The following STX3 variants were observed in gnomAD, a reference collection of about 807,000 sequenced individuals.
STX3 encodes syntaxin-3.
STX3 carries 19 observed loss-of-function variants against 40.2 expected under a neutral mutation model. The ratio of observed to expected loss-of-function variants is 0.47; its 90% CI spans 0.33 to 0.69. STX3 has a LOEUF of 0.69. Among genes scored for constraint, STX3 ranks in the 30% least tolerant of loss-of-function variants. The pLI, the probability that STX3 is intolerant of heterozygous loss-of-function variation, is 0.02. For synonymous variants in STX3, 122 were observed against 132.2 expected (o/e 0.92, Z 0.53); for missense variants, 364 against 366.7 (o/e 0.99, Z 0.06).
intron 1 of STX3, among the ~76,000 whole-genome samples, chr11:59,766,917 A>G (rs1380688508): frequency 6.6e-6 from 1 of 152,234 alleles, no homozygotes; most frequent in African/African-American, 2.4e-5. Flanking sequence ...CAAAGCAGCT[A>G]GTGTCTTGTG....
At chr11:59,766,802 G>C (rs1014125235) in intron 1 of STX3, among the ~76,000 whole-genome samples, 1 of 152,202 alleles carries the variant, frequency 6.6e-6, no homozygotes, top group Non-Finnish European at 1.5e-5. Context: ...CTTGAGCCCT[G>C]TTTCGGCAAA....
intron 1 of STX3, among the ~76,000 whole-genome samples, 199 bp from the exon 2 acceptor site, chr11:59,773,012 C>CACAA (rs1464304376): frequency 6.6e-5 from 10 of 151,014 alleles, no homozygotes; most frequent in Admixed American, 5.9e-4. Flanking sequence ...CACACACACA[C>CACAA]AACCCAGCAA....
chr11:59,797,203 A>C, intron 9 of STX3, 80 bp from the exon 10 acceptor site: 2 of 1,022,850 alleles, frequency 2.0e-6, no homozygotes, highest in South Asian at 1.3e-5. Flanking sequence ...TAGAGGTGAC[A>C]GGGGTTAGGT....
intron 8 of STX3, among the ~76,000 whole-genome samples, chr11:59,794,507 C>G (rs908129485): frequency 6.6e-6 from 1 of 152,184 alleles, no homozygotes; most frequent in Non-Finnish European, 1.5e-5. Context: ...TGCTTTCCCC[C>G]CATTCCCTAC....
chr11:59,795,368 G>A lies in STX3; in HGVS notation c.676-4G>A, dbSNP rs372491925. 2.4e-5 allele frequency: 39 copies of A among 1,610,640 alleles called. No individual in the cohort carries two copies. Among genetic ancestry groups the A allele is most frequent in the Middle Eastern group, 1.6e-4 (1 of 6,080 alleles). ...TTGGTGTGATCAGAGTCTGTTCTTT[G>A]CAGGGTGAGATGTTAGATAACATAG... is the stretch of plus-strand genomic sequence containing the variant. On this transcript the variant is annotated splice_region_variant and splice_polypyrimidine_tract_variant and intron_variant, in intron 8 of 10. Coordinates refer to ENST00000337979, the MANE Select transcript of STX3 (RefSeq NM_004177.5).
chr11:59,792,234 G>T lies in STX3; in HGVS notation c.466+19G>T, dbSNP rs763634459. On this transcript the variant is annotated intron_variant, in intron 6 of 10. Coordinates refer to ENST00000337979, the MANE Select transcript of STX3 (RefSeq NM_004177.5). ...GAAATTAGTATGTACTTGAGGTTTG[G>T]CGTGTGCCCTCCACCTTTCCTGCCA... 1 of 1,606,602 alleles carries T rather than the reference G, an allele frequency of 6.2e-7. No homozygotes were observed. Among genetic ancestry groups the T allele is most frequent in the Admixed American group, 1.7e-5 (1 of 59,774 alleles).
At position 59,785,066 on chromosome 11, in the gene STX3, G is replaced by T. The variant is rs578069446; in HGVS notation, c.115-1971G>T. Among the ~76,000 whole-genome samples, 5 of 152,168 alleles carry T rather than the reference G, an allele frequency of 3.3e-5. No homozygotes were observed. In the South Asian group the frequency reaches 1.0e-3, roughly 32 times the overall value. ...TTTCCTCATTTGAATAATGGTACTG[G>T]TCCAGTCTTATAGGTTGCTTTGTAA... On this transcript the variant is annotated intron_variant, in intron 2 of 10. Coordinates refer to ENST00000337979, the MANE Select transcript of STX3 (RefSeq NM_004177.5).
At chr11:59,776,940 AC>A (rs1216623213) in intron 2 of STX3, among the ~76,000 whole-genome samples, 1 of 152,180 alleles carries the variant, frequency 6.6e-6, no homozygotes, top group African/African-American at 2.4e-5. Flanking sequence ...GATGAAACAG[AC>A]CTGCCTTTGG....
At chr11:59,788,837 C>G (rs1359714571) in intron 3 of STX3, 36 bp from the exon 4 acceptor site, 12 of 1,588,152 alleles carry the variant, frequency 7.6e-6, no homozygotes, top group Admixed American at 1.7e-5. Context: ...CAGTCCTCTC[C>G]TTTCTAACGG....
intron 2 of STX3, among the ~76,000 whole-genome samples, chr11:59,780,508 T>C (rs1366873677): frequency 6.6e-6 from 1 of 152,188 alleles, no homozygotes; most frequent in Non-Finnish European, 1.5e-5. Context: ...AGTGAGGTAC[T>C]AGCAGAAGAC....
chr11:59,757,938 T>C (rs1862813770), intron 1 of STX3, among the ~76,000 whole-genome samples: 1 of 152,176 alleles, frequency 6.6e-6, no homozygotes, highest in African/African-American at 2.4e-5. Flanking sequence ...AAACAAGATA[T>C]GCGTCTTCTC....
intron 5 of STX3, 105 bp downstream of exon 5, chr11:59,790,691 C>G: frequency 1.2e-6 from 1 of 826,442 alleles, no homozygotes; most frequent in Non-Finnish European, 2.0e-6. Context: ...TTTTGAAACT[C>G]AATTTGAAGA....
rs1465081715 is a variant in STX3 at position 59,804,737 on chromosome 11, G to A, written c.*3913G>A. The A allele has an allele frequency of 1.3e-5, 2 of 152,102 alleles. No individual in the cohort carries two copies. The highest frequency in any genetic ancestry group is 2.9e-5 in the Non-Finnish European group (2 of 68,030). The allele number at this position is 152,102 out of a possible 1,614,324, so 9.4% of individuals were successfully genotyped here. A position where few individuals can be genotyped will look rare whatever the true frequency, so the allele number is the denominator to read the frequency against. On this transcript the variant is annotated 3_prime_UTR_variant, in exon 11 of 11. Coordinates refer to ENST00000337979, the MANE Select transcript of STX3 (RefSeq NM_004177.5). ...AAATACAGGCCCACAAAATAAAATA[G>A]GTTTATAGCATGACTGAACTCACAC...
At chr11:59,777,357 C>A (rs944161862) in intron 2 of STX3, among the ~76,000 whole-genome samples, 1 of 152,196 alleles carries the variant, frequency 6.6e-6, no homozygotes, top group Non-Finnish European at 1.5e-5. Context: ...AATTCTGTTG[C>A]CTACTGCAGC....
At chr11:59,793,253 G>A (rs1241123001) in intron 7 of STX3, 81 bp downstream of exon 7, 3 of 1,606,616 alleles carry the variant, frequency 1.9e-6, no homozygotes, top group South Asian at 2.2e-5. Flanking sequence ...TCCAGCAGGT[G>A]GAGGGGGAGC....
chr11:59,761,792 T>C (rs1279415268), intron 1 of STX3, among the ~76,000 whole-genome samples: 1 of 152,056 alleles, frequency 6.6e-6, no homozygotes, highest in Admixed American at 6.5e-5. Flanking sequence ...GCTGTCTGGG[T>C]TAGGACAGCT....
chr11:59,800,502 C>T (rs1461638401), intron 10 of STX3: 2 of 985,244 alleles, frequency 2.0e-6, no homozygotes, highest in Non-Finnish European at 2.4e-6. Context: ...GATCGAGAAC[C>T]AGAAAGCAGC....
At chr11:59,787,970 C>G (rs1304226105) in intron 3 of STX3, among the ~76,000 whole-genome samples, 2 of 152,200 alleles carry the variant, frequency 1.3e-5, no homozygotes, top group Non-Finnish European at 2.9e-5. Flanking sequence ...TTGTCTTGAT[C>G]ACATTCCTGC....
At chr11:59,766,783 T>C (rs369609143) in intron 1 of STX3, among the ~76,000 whole-genome samples, 73 of 152,336 alleles carry the variant, frequency 4.8e-4, no homozygotes, top group Middle Eastern at 3.4e-3. Flanking sequence ...TTAGGACAGA[T>C]GACTTAAGCT....
Sources: allele counts gnomAD v4.1 joint callset (sites outside exome capture counted in the v4.1 genomes callset), GRCh38; gene constraint gnomAD v4.1.1; transcripts MANE v1.5; gene names NCBI Gene and HGNC (gene_info 2026-07-23, HGNC 2026-07-21).